Variants in RBFOX1 observed in about 807,000 individuals in gnomAD.
The protein encoded by RBFOX1 is RNA binding fox-1 homolog 1, also known as RNA binding protein fox-1 homolog 1.
In RBFOX1, 8 loss-of-function variants were observed where a neutral mutation model predicts 57.7. That is an observed-to-expected ratio of 0.14 (90% CI 0.08 to 0.25). The LOEUF (loss-of-function observed/expected upper bound fraction) is 0.25. Among genes scored for constraint, RBFOX1 ranks in the 10% least tolerant of loss-of-function variants. The pLI is 1.00. For missense variants in RBFOX1, 611 were observed against 548.5 expected, an observed-to-expected ratio of 1.11 and a Z score of -1.14; for synonymous variants, 326 against 222.4, an observed-to-expected ratio of 1.47 and a Z score of -4.15.
chr16:5,666,691 C>T (rs749578223), intron 3 of RBFOX1, among the ~76,000 whole-genome samples: 67 of 152,204 alleles, frequency 4.4e-4, no homozygotes, highest in Non-Finnish European at 8.8e-4. Flanking sequence ...GAAGGATGAG[C>T]TCTAATCCAC....
At chr16:6,773,992 T>C (rs1417588572) in intron 3 of RBFOX1, 4 of 985,254 alleles carry the variant, frequency 4.1e-6, no homozygotes, top group Non-Finnish European at 4.8e-6. Context: ...ACTGAACCTG[T>C]AATTAGCTCC....
At chr16:5,385,653 C>G (rs2066236808) in intron 1 of RBFOX1, among the ~76,000 whole-genome samples, 3 of 152,178 alleles carry the variant, frequency 2.0e-5, no homozygotes, top group African/African-American at 7.2e-5. Context: ...TTCTTCATCA[C>G]TCCATCCCAT....
chr16:6,450,836 T>TAC lies in RBFOX1; in HGVS notation c.-64+133779_-64+133780insAC, dbSNP rs1567303826. Among the ~76,000 whole-genome samples, 39 of 17,290 alleles carry TAC rather than the reference T, an allele frequency of 2.3e-3. 3 individuals carry two copies. Among genetic ancestry groups the TAC allele is most frequent in the East Asian group, 7.9e-3 (5 of 636 alleles). 11.3% of individuals were successfully genotyped at this position (17,290 alleles called of 152,430 possible). A position where few individuals can be genotyped will look rare whatever the true frequency, so the allele number is the denominator to read the frequency against. On this transcript the variant is annotated intron_variant, in intron 2 of 15. Transcript: ENST00000550418. Reference sequence around the variant, plus strand: ...ATATATACATATATATATATATATATGTGTATATATATATATATATATATA... The same window carrying TAC: ...ATATATACATATATATATATATATATACGTGTATATATATATATATATATATA...
chr16:7,311,633 C>A (rs2096312210), intron 4 of RBFOX1, among the ~76,000 whole-genome samples: 1 of 152,118 alleles, frequency 6.6e-6, no homozygotes, highest in African/African-American at 2.4e-5. Flanking sequence ...GGGGCAAGCC[C>A]TGCTCTTATG....
At chr16:7,474,572 C>CA (rs1258752245) in intron 4 of RBFOX1, among the ~76,000 whole-genome samples, 3 of 152,076 alleles carry the variant, frequency 2.0e-5, no homozygotes, top group Admixed American at 2.0e-4. Flanking sequence ...TTTAAAATGG[C>CA]AAAATTAAAG....
intron 1 of RBFOX1, among the ~76,000 whole-genome samples, chr16:6,210,566 C>T (rs191254073): frequency 1.5e-4 from 23 of 151,596 alleles, no homozygotes; most frequent in Admixed American, 9.2e-4. Flanking sequence ...CCTGTCTCTA[C>T]AAAAAATTAG....
At chr16:6,467,034 T>C (rs2095065010) in intron 2 of RBFOX1, among the ~76,000 whole-genome samples, 1 of 151,174 alleles carries the variant, frequency 6.6e-6, no homozygotes, top group Non-Finnish European at 1.5e-5. Context: ...ATTTAATATA[T>C]TAATTACGTG....
intron 3 of RBFOX1, among the ~76,000 whole-genome samples, chr16:6,808,505 C>T (rs898823742): frequency 6.6e-6 from 1 of 152,080 alleles, no homozygotes; most frequent in South Asian, 2.1e-4. Context: ...TAAAACAGCA[C>T]CATTACTCTC....
chr16:5,336,404 A>G (rs949754720), intron 1 of RBFOX1, among the ~76,000 whole-genome samples: 8 of 152,162 alleles, frequency 5.3e-5, no homozygotes, highest in African/African-American at 1.7e-4. Flanking sequence ...CCTCATCGGT[A>G]AAACAGGGAT....
chr16:6,314,053 T>A (rs2080753072), intron 1 of RBFOX1, among the ~76,000 whole-genome samples: 1 of 152,128 alleles, frequency 6.6e-6, no homozygotes, highest in Non-Finnish European at 1.5e-5. Flanking sequence ...TAAGACCAGA[T>A]GTAAAGGTGT....
intron 3 of RBFOX1, among the ~76,000 whole-genome samples, chr16:6,899,486 A>G (rs372862731): frequency 5.9e-5 from 9 of 152,318 alleles, no homozygotes; most frequent in African/African-American, 2.2e-4. Context: ...GCACCGAGTC[A>G]TCTGCTTACT....
intron 1 of RBFOX1, among the ~76,000 whole-genome samples, chr16:6,086,658 G>A (rs1027253308): frequency 1.3e-5 from 2 of 152,186 alleles, no homozygotes; most frequent in Non-Finnish European, 2.9e-5. Context: ...TCAGGGAGAT[G>A]ATTTACTGTT....
intron 4 of RBFOX1, among the ~76,000 whole-genome samples, chr16:7,120,397 C>G (rs923021007): frequency 6.6e-6 from 1 of 151,926 alleles, no homozygotes; most frequent in South Asian, 2.1e-4. Flanking sequence ...CTGGCTCTTT[C>G]AAAGCATAGA....
intron 2 of RBFOX1, among the ~76,000 whole-genome samples, chr16:6,410,600 C>T (rs1194547904): frequency 3.9e-5 from 6 of 152,078 alleles, no homozygotes; most frequent in Non-Finnish European, 8.8e-5. Flanking sequence ...TGTGAGCCAC[C>T]GCGCACCTTC....
At chr16:6,483,749 G>A (rs1487812366) in intron 2 of RBFOX1, 6 of 1,426,108 alleles carry the variant, frequency 4.2e-6, no homozygotes, top group South Asian at 1.5e-5. Flanking sequence ...CTGTGGCAGA[G>A]GAGCAGCCGT....
chr16:6,852,247 C>T (rs945354145), intron 3 of RBFOX1, among the ~76,000 whole-genome samples: 2 of 152,270 alleles, frequency 1.3e-5, no homozygotes, highest in East Asian at 1.9e-4. Flanking sequence ...TACATGACTG[C>T]AGTCTCTGCC....
chr16:7,020,876 C>T (rs868402342), intron 3 of RBFOX1, among the ~76,000 whole-genome samples: 6 of 152,284 alleles, frequency 3.9e-5, no homozygotes, highest in Non-Finnish European at 7.3e-5. Flanking sequence ...CCTGTAATCC[C>T]AGAACTTTGC....
intron 3 of RBFOX1, among the ~76,000 whole-genome samples, chr16:5,639,443 A>G (rs1175102858): frequency 6.6e-6 from 1 of 152,186 alleles, no homozygotes; most frequent in East Asian, 1.9e-4. Context: ...AAGTCTTGAT[A>G]TGAATCAAGA....
At chr16:5,825,303 C>G (rs1214474079) in intron 3 of RBFOX1, among the ~76,000 whole-genome samples, 2 of 152,212 alleles carry the variant, frequency 1.3e-5, no homozygotes, top group African/African-American at 2.4e-5. Flanking sequence ...GTTCCCTGCC[C>G]AGGCTGTGAG....
Sources: gnomAD v4.1 joint callset for allele counts (sites outside exome capture counted in the v4.1 genomes callset) on GRCh38, gnomAD v4.1.1 for gene constraint, MANE v1.5 for transcripts, NCBI Gene and HGNC (gene_info 2026-07-23, HGNC 2026-07-21) for gene names.